Variants in EFR3A observed in about 807,000 individuals in gnomAD.
The protein encoded by EFR3A is EFR3 homolog A.
EFR3A carries 76 observed loss-of-function variants against 104.4 expected under a neutral mutation model. The observed-to-expected ratio is 0.73, with a 90% CI of 0.60 to 0.88. The LOEUF (loss-of-function observed/expected upper bound fraction) is 0.88. EFR3A is among the 40% of genes least tolerant of loss of function. EFR3A has a pLI of 0.00. For synonymous variants in EFR3A, 330 were observed against 330.0 expected, an observed-to-expected ratio of 1.00 and a Z score of 0.00; for missense variants, 985 against 1,012.5, an observed-to-expected ratio of 0.97 and a Z score of 0.37.
intron 1 of EFR3A, among the ~76,000 whole-genome samples, chr8:131,918,898 G>T (rs1404562700): frequency 6.6e-6 from 1 of 152,110 alleles, no homozygotes; most frequent in Admixed American, 6.5e-5. Context: ...TCCTATTTGT[G>T]AATTACTTAG....
rs28489025 is a variant in EFR3A, at chr8:132,013,116, A to G, written c.*2221A>G. On this transcript the variant is annotated 3_prime_UTR_variant, in exon 23 of 23. Transcript: ENST00000254624. ...GTGTTGTAGCCAGTTCAGGTACTGA[A>G]TATTTAGGATTTGGTGAAGTTCACT... The G allele has an allele frequency of 1.2e-3, 179 of 152,304 alleles. 1 individual carries two copies. The highest frequency in any genetic ancestry group is 4.1e-3 in the African/African-American group (170 of 41,574). The allele number at this position is 152,304 out of a possible 1,614,324, so 9.4% of individuals were successfully genotyped here.
chr8:131,985,026 T>A lies in EFR3A; in HGVS notation c.1835T>A (p.Ile612Lys). 6.2e-7 allele frequency: 1 copy of A among 1,613,648 alleles called. No homozygotes were observed. Among genetic ancestry groups the A allele is most frequent in the Non-Finnish European group, 8.5e-7 (1 of 1,179,624 alleles). Residue 612 changes from isoleucine (I) to lysine (K), a missense_variant, in exon 16 of 23, where the codon ATA becomes AAA. Transcript: ENST00000254624. ...AAYLNFVSQM[I>K]AVPAFCQHVS... ...TACCTCAACTTTGTAAGTCAGATGATAGCTGTCCCTGCATTTTGCCAGCAT... is the reference window on the plus strand; with the variant it reads ...TACCTCAACTTTGTAAGTCAGATGAAAGCTGTCCCTGCATTTTGCCAGCAT...
At chr8:131,983,352 C>T (rs1453874669) in intron 14 of EFR3A, among the ~76,000 whole-genome samples, 1 of 152,016 alleles carries the variant, frequency 6.6e-6, no homozygotes, top group African/African-American at 2.4e-5. Context: ...GTGGGGAGGG[C>T]AAGAGCATGG....
chr8:131,948,113 C>T (rs1818522306), intron 4 of EFR3A, among the ~76,000 whole-genome samples: 1 of 152,030 alleles, frequency 6.6e-6, no homozygotes, highest in Non-Finnish European at 1.5e-5. Flanking sequence ...TGTTTCCATT[C>T]AGAGTTTTAA....
chr8:131,968,173 TCATAA>T, intron 8 of EFR3A, 117 bp from the exon 9 acceptor site: 1 of 856,652 alleles, frequency 1.2e-6, no homozygotes, highest in Non-Finnish European at 1.8e-6. Flanking sequence ...ATTTATTGTC[TCATAA>T]CATGACCACC....
At chr8:131,943,742 A>T (rs1818281783) in intron 2 of EFR3A, among the ~76,000 whole-genome samples, 1 of 151,950 alleles carries the variant, frequency 6.6e-6, no homozygotes, top group Non-Finnish European at 1.5e-5. Flanking sequence ...TAATGCCTTT[A>T]GACATTGCCC....
chr8:131,981,283 A>G (rs1023018564), intron 14 of EFR3A, among the ~76,000 whole-genome samples: 7 of 152,054 alleles, frequency 4.6e-5, no homozygotes, highest in Non-Finnish European at 1.0e-4. Context: ...TAGTCAACCA[A>G]TTTGAAAAGC....
chr8:131,984,785 C>T, intron 15 of EFR3A, 144 bp from the exon 16 acceptor site: 1 of 752,776 alleles, frequency 1.3e-6, no homozygotes, highest in Non-Finnish European at 2.1e-6. Context: ...GTTTTCCTTT[C>T]AGAATTGTTT....
chr8:131,960,800 A>G lies in EFR3A; in HGVS notation c.855+1137A>G, dbSNP rs145568202. Among the ~76,000 whole-genome samples the G allele has an allele frequency of 2.2e-4, 33 of 152,300 alleles. No individual in the cohort carries two copies. The East Asian group carries it at 4.4e-3, about 20-fold the overall frequency. ...TCTTTTGTGCTAAATTTATTTCTTGAGGGTAATAAGATGTGATTAAGAGTT... is the reference window on the plus strand; with the variant it reads ...TCTTTTGTGCTAAATTTATTTCTTGGGGGTAATAAGATGTGATTAAGAGTT... On this transcript the variant is annotated intron_variant, in intron 8 of 22. Coordinates refer to ENST00000254624, the MANE Select transcript of EFR3A (RefSeq NM_015137.6).
intron 14 of EFR3A, among the ~76,000 whole-genome samples, chr8:131,983,271 A>G (rs1257861091): frequency 6.6e-6 from 1 of 152,158 alleles, no homozygotes; most frequent in Non-Finnish European, 1.5e-5. Context: ...TTATACTTGA[A>G]AAATACTGAT....
At chr8:131,998,243 A>G (rs766328500) in intron 19 of EFR3A, among the ~76,000 whole-genome samples, 16 of 152,088 alleles carry the variant, frequency 1.1e-4, no homozygotes, top group Non-Finnish European at 1.9e-4. Flanking sequence ...GGAGAAATTC[A>G]CATCAGATAG....
chr8:131,975,712 G>A (rs1391616779), intron 10 of EFR3A, among the ~76,000 whole-genome samples: 1 of 151,876 alleles, frequency 6.6e-6, no homozygotes, highest in Non-Finnish European at 1.5e-5. Context: ...CACTACACCC[G>A]GCCAATATTT....
At chr8:131,955,129 C>T (rs1156554257) in intron 6 of EFR3A, among the ~76,000 whole-genome samples, 1 of 152,004 alleles carries the variant, frequency 6.6e-6, no homozygotes, top group Non-Finnish European at 1.5e-5. Flanking sequence ...AATTACGGCT[C>T]TTGAGGTCCA....
intron 1 of EFR3A, 127 bp from the exon 2 acceptor site, chr8:131,940,372 T>G (rs1818103278): frequency 5.9e-6 from 5 of 846,728 alleles, no homozygotes; most frequent in Non-Finnish European, 3.5e-6. Context: ...TACATTTGTA[T>G]GTCTTTATTT....
Position 132,002,655 on chromosome 8 carries a change from G to C in EFR3A, c.2259G>C (p.Glu753Asp). 2 of 1,613,792 alleles carry C rather than the reference G, an allele frequency of 1.2e-6. No homozygotes were observed. Among genetic ancestry groups the C allele is most frequent in the Non-Finnish European group, 1.7e-6 (2 of 1,179,736 alleles). ...AGGAAAAGAGGCGTCTTGTGATAGA[G>C]AAATTTCAGAAAGCACCTTTTGAAG... The part of the protein sequence containing the change: ...QEKEKRRLVI[E>D]KFQKAPFEEI... Residue 753 changes from glutamate (E) to aspartate (D), a missense_variant, in exon 21 of 23, where the codon GAG becomes GAC. Transcript: ENST00000254624.
chr8:132,002,423 G>A (rs1186272533), intron 20 of EFR3A, among the ~76,000 whole-genome samples, 180 bp from the exon 21 acceptor site: 2 of 152,082 alleles, frequency 1.3e-5, no homozygotes, highest in Admixed American at 1.3e-4. Context: ...TTGTGTGTGT[G>A]TGCTTTCTAG....
intron 8 of EFR3A, among the ~76,000 whole-genome samples, chr8:131,963,505 C>T (rs1325846265): frequency 6.6e-6 from 1 of 152,160 alleles, no homozygotes; most frequent in Non-Finnish European, 1.5e-5. Context: ...CACACACCCT[C>T]ACAAGACTAA....
At chr8:131,945,316 T>C (rs1333361985) in intron 3 of EFR3A, among the ~76,000 whole-genome samples, 2 of 151,992 alleles carry the variant, frequency 1.3e-5, no homozygotes, top group Admixed American at 1.3e-4. Context: ...GGCTTAGATA[T>C]CAAGGCCCAG....
chr8:131,924,307 T>C lies in EFR3A; in HGVS notation c.11-16192T>C. On this transcript the variant is annotated intron_variant, in intron 1 of 22. Transcript: ENST00000254624. ...TCTTCATAGTTGTTAATATAATTAATTTTTTCACCAAGTAATTTTTTTATC... is the reference window on the plus strand; with the variant it reads ...TCTTCATAGTTGTTAATATAATTAACTTTTTCACCAAGTAATTTTTTTATC... The C allele has an allele frequency of 1.3e-5, 3 of 232,102 alleles. 1 individual carries two copies. Among genetic ancestry groups the C allele is most frequent in the South Asian group, 1.2e-4 (3 of 24,572 alleles). 14.4% of individuals were successfully genotyped at this position (232,102 alleles called of 1,614,324 possible).
Sources: allele counts gnomAD v4.1 joint callset (sites outside exome capture counted in the v4.1 genomes callset), GRCh38; gene constraint gnomAD v4.1.1; transcripts MANE v1.5; gene names NCBI Gene and HGNC (gene_info 2026-07-23, HGNC 2026-07-21).